The following DGKH variants were observed in gnomAD, a reference collection of about 807,000 sequenced individuals.
The protein encoded by DGKH is DAG kinase eta.
Under a neutral mutation model 159.3 loss-of-function variants are expected in DGKH, and 90 were observed. The ratio of observed to expected loss-of-function variants is 0.57; its 90% CI spans 0.48 to 0.67. The LOEUF (loss-of-function observed/expected upper bound fraction) is 0.67. Ranked by LOEUF, DGKH falls within the 30% of genes least tolerant of loss-of-function variation. The pLI, the probability that DGKH is intolerant of heterozygous loss-of-function variation, is 0.00. For missense variants in DGKH, 1,181 were observed against 1,506.1 expected (o/e 0.78, Z 3.57); for synonymous variants, 536 against 553.8 (o/e 0.97, Z 0.45).
chr13:42,165,750 C>T (rs983703310), intron 8 of DGKH, among the ~76,000 whole-genome samples: 7 of 149,610 alleles, frequency 4.7e-5, no homozygotes, highest in Non-Finnish European at 8.9e-5. Flanking sequence ...GTGTTTTTTT[C>T]CTCTATAATT....
intron 3 of DGKH, chr13:42,140,383 T>G (rs1204553305): frequency 1.3e-5 from 2 of 152,462 alleles, no homozygotes; most frequent in African/African-American, 4.8e-5. Context: ...TTCACTCATG[T>G]GTTCCTATAC....
intron 1 of DGKH, among the ~76,000 whole-genome samples, chr13:42,105,486 T>C (rs528677054): frequency 1.3e-5 from 2 of 152,272 alleles, no homozygotes; most frequent in South Asian, 2.1e-4. Flanking sequence ...TAAAATTGTA[T>C]GTTTGATTTT....
At chr13:42,155,131 C>T (rs767374838) in intron 3 of DGKH, among the ~76,000 whole-genome samples, 160 bp from the exon 4 acceptor site, 4 of 152,152 alleles carry the variant, frequency 2.6e-5, no homozygotes, top group Non-Finnish European at 2.9e-5. Flanking sequence ...ACTCCTTAGG[C>T]TTTTTCTTTC....
upstream of DGKH, chr13:42,044,116 C>T (rs1880671228): frequency 6.6e-6 from 1 of 152,328 alleles, no homozygotes; most frequent in South Asian, 2.1e-4. Context: ...CCTCAGCCTC[C>T]TAACGTGCTG....
intron 13 of DGKH, among the ~76,000 whole-genome samples, chr13:42,182,598 A>G (rs559095977): frequency 2.1e-4 from 32 of 152,320 alleles, no homozygotes; most frequent in Middle Eastern, 3.4e-3. Flanking sequence ...TGTATTGTTC[A>G]GGGAATGATG....
chr13:42,058,451 C>G (rs758245080), intron 1 of DGKH, among the ~76,000 whole-genome samples: 31 of 151,382 alleles, frequency 2.0e-4, no homozygotes, highest in Admixed American at 7.9e-4. Context: ...CAGCTGTTGT[C>G]ATTTTCATTT....
chr13:42,159,478 A>C, intron 6 of DGKH, 106 bp downstream of exon 6: 1 of 810,448 alleles, frequency 1.2e-6, no homozygotes, highest in East Asian at 2.7e-5. Context: ...ATTAGGATTT[A>C]ATAGAAGGTT....
intron 3 of DGKH, among the ~76,000 whole-genome samples, chr13:42,138,757 A>C (rs1566122149): frequency 6.6e-6 from 1 of 152,166 alleles, no homozygotes; most frequent in African/African-American, 2.4e-5. Flanking sequence ...CAGTGGTCCC[A>C]CCTTTGCTTA....
chr13:42,053,360 A>G (rs960084522), intron 1 of DGKH, among the ~76,000 whole-genome samples: 3 of 148,032 alleles, frequency 2.0e-5, no homozygotes, highest in Non-Finnish European at 3.0e-5. Context: ...AATTATATAT[A>G]TAACTATATA....
rs764750299 is a variant in DGKH, at chr13:42,242,481, C to G, written c.*13293C>G. The G allele has an allele frequency of 1.3e-5, 2 of 152,118 alleles. No individual in the cohort carries two copies. The highest frequency in any genetic ancestry group is 2.9e-5 in the Non-Finnish European group (2 of 68,026). 9.4% of individuals were successfully genotyped at this position (152,118 alleles called of 1,614,324 possible). On this transcript the variant is annotated 3_prime_UTR_variant, in exon 30 of 30. Transcript: ENST00000337343. Reference sequence around the variant, plus strand: ...CAGAGCAGAGGTTATAACTTTGGCTCTAATTACTTTTAGTAATGGTAAGAC... The same window carrying G: ...CAGAGCAGAGGTTATAACTTTGGCTGTAATTACTTTTAGTAATGGTAAGAC...
chr13:42,210,873 A>G (rs1957640419), intron 24 of DGKH, 108 bp downstream of exon 24: 4 of 953,468 alleles, frequency 4.2e-6, no homozygotes, highest in Non-Finnish European at 6.1e-6. Context: ...AAAGAGATGC[A>G]ATTACTCTTC....
chr13:42,139,545 A>G (rs1400509112), intron 3 of DGKH, among the ~76,000 whole-genome samples: 1 of 152,176 alleles, frequency 6.6e-6, no homozygotes, highest in Non-Finnish European at 1.5e-5. Flanking sequence ...CTGAAGATCC[A>G]TGACTCGGAA....
Position 42,232,617 on chromosome 13 carries a change from G to C in DGKH, c.*3429G>C, listed in dbSNP as rs1322012515. On this transcript the variant is annotated 3_prime_UTR_variant, in exon 30 of 30. Transcript: ENST00000337343. Reference sequence around the variant, plus strand: ...TTTCTCGCTTAAGCATACATGGTGGGTCATTTAACTAAGTGTTAGGAAGAA... The same window carrying C: ...TTTCTCGCTTAAGCATACATGGTGGCTCATTTAACTAAGTGTTAGGAAGAA... The C allele has an allele frequency of 6.6e-6, 1 of 152,124 alleles. No individual in the cohort carries two copies. The highest frequency in any genetic ancestry group is 6.5e-5 in the Admixed American group (1 of 15,274). The allele number at this position is 152,124 out of a possible 1,614,324, so 9.4% of individuals were successfully genotyped here. A position where few individuals can be genotyped will look rare whatever the true frequency, so the allele number is the denominator to read the frequency against.
At chr13:42,196,156 AT>A (rs1230083599) in intron 17 of DGKH, among the ~76,000 whole-genome samples, 2 of 152,222 alleles carry the variant, frequency 1.3e-5, no homozygotes, top group African/African-American at 2.4e-5. Flanking sequence ...GATAACAAAT[AT>A]TGGCACAGAT....
intron 25 of DGKH, among the ~76,000 whole-genome samples, chr13:42,215,316 C>G (rs972924350): frequency 3.3e-5 from 5 of 151,918 alleles, no homozygotes; most frequent in Admixed American, 2.0e-4. Flanking sequence ...TATGCTGGTG[C>G]TAGCATATAC....
intron 2 of DGKH, 29 bp downstream of exon 2, chr13:42,127,602 A>T (rs1955195919): frequency 6.3e-7 from 1 of 1,599,622 alleles, no homozygotes; most frequent in African/African-American, 1.3e-5. Context: ...AGTTTCAAGC[A>T]ATTGAGGCTA....
chr13:42,234,163 G>A lies in DGKH; in HGVS notation c.*4975G>A, dbSNP rs1195745057. 6.6e-6 allele frequency: 1 copy of A among 151,930 alleles called. No individual in the cohort carries two copies. Among genetic ancestry groups the A allele is most frequent in the Non-Finnish European group, 1.5e-5 (1 of 67,992 alleles). The allele number at this position is 151,930 out of a possible 1,614,324, so 9.4% of individuals were successfully genotyped here. On this transcript the variant is annotated 3_prime_UTR_variant, in exon 30 of 30. Coordinates refer to ENST00000337343, the MANE Select transcript of DGKH (RefSeq NM_178009.5). ...TTAATTTTATAAGATTTTTCCCAAT[G>A]AGACTTATTTTCAGGAATCCTTCTC...
chr13:42,117,261 A>G (rs1714782461), intron 1 of DGKH, among the ~76,000 whole-genome samples: 1 of 152,240 alleles, frequency 6.6e-6, no homozygotes, highest in South Asian at 2.1e-4. Flanking sequence ...AATATCGAAT[A>G]TAATAGCATG....
At chr13:42,053,628 A>AAC (rs1881532349) in intron 1 of DGKH, among the ~76,000 whole-genome samples, 3 of 146,422 alleles carry the variant, frequency 2.0e-5, no homozygotes, top group Non-Finnish European at 4.5e-5. Flanking sequence ...GTATATATAT[A>AAC]TATTTTTTTG....
Sources: allele counts gnomAD v4.1 joint callset (sites outside exome capture counted in the v4.1 genomes callset), GRCh38; gene constraint gnomAD v4.1.1; transcripts MANE v1.5; gene names NCBI Gene and HGNC (gene_info 2026-07-23, HGNC 2026-07-21).